Variants in NDFIP2 observed in about 807,000 individuals in gnomAD.
NDFIP2 encodes Nedd4 family interacting protein 2.
NDFIP2 carries 19 observed loss-of-function variants against 36.0 expected under a neutral mutation model. That is an observed-to-expected ratio of 0.53 (90% confidence interval 0.37 to 0.77). The LOEUF (loss-of-function observed/expected upper bound fraction) is 0.77, where lower values mean the gene tolerates loss of function less well. NDFIP2 is among the 30% of genes least tolerant of loss of function. The pLI, the probability that NDFIP2 is intolerant of heterozygous loss-of-function variation, is 0.00. For missense variants in NDFIP2, 446 were observed against 435.8 expected, an observed-to-expected ratio of 1.02 and a Z score of -0.21; for synonymous variants, 181 against 167.7, an observed-to-expected ratio of 1.08 and a Z score of -0.61.
At chr13:79,490,583 A>G (rs983549179) in intron 1 of NDFIP2, among the ~76,000 whole-genome samples, 5 of 152,266 alleles carry the variant, frequency 3.3e-5, no homozygotes, top group Admixed American at 2.0e-4. Context: ...CAGTATCCAT[A>G]CCAAATATGA....
intron 1 of NDFIP2, among the ~76,000 whole-genome samples, chr13:79,514,317 T>C (rs1874189988): frequency 6.6e-6 from 1 of 152,194 alleles, no homozygotes; most frequent in African/African-American, 2.4e-5. Flanking sequence ...ACCTATATTA[T>C]ATTTTCTTTA....
intron 4 of NDFIP2, among the ~76,000 whole-genome samples, chr13:79,541,511 A>G (rs1366347229): frequency 6.6e-6 from 1 of 151,840 alleles, no homozygotes; most frequent in African/African-American, 2.4e-5. Context: ...CAAATATTGT[A>G]CCAACATTAT....
At chr13:79,533,198 T>C in intron 2 of NDFIP2, 125 bp from the exon 3 acceptor site, 1 of 635,032 alleles carries the variant, frequency 1.6e-6, no homozygotes, top group Middle Eastern at 4.2e-4. Flanking sequence ...TTATAGCTTA[T>C]AACATAGGCC....
At chr13:79,507,801 A>G (rs994460661) in intron 1 of NDFIP2, among the ~76,000 whole-genome samples, 3 of 152,024 alleles carry the variant, frequency 2.0e-5, no homozygotes, top group Non-Finnish European at 4.4e-5. Context: ...AGATGTTAAC[A>G]TCTTGCTGTA....
chr13:79,481,667 G>C, intron 1 of NDFIP2, 143 bp downstream of exon 1: 1 of 1,057,454 alleles, frequency 9.5e-7, no homozygotes, highest in Non-Finnish European at 1.3e-6. Flanking sequence ...CTTCTGGCTG[G>C]AGCTGCTTCA....
At chr13:79,493,570 A>G (rs573016320) in intron 1 of NDFIP2, among the ~76,000 whole-genome samples, 1 of 152,260 alleles carries the variant, frequency 6.6e-6, no homozygotes, top group Admixed American at 6.5e-5. Context: ...ATTTTCTTCA[A>G]TCTTCTCATT....
intron 4 of NDFIP2, among the ~76,000 whole-genome samples, chr13:79,541,892 T>C (rs1875470167): frequency 6.6e-6 from 1 of 152,186 alleles, no homozygotes; most frequent in South Asian, 2.1e-4. Context: ...CTAAAAAAAG[T>C]TTACACTTAA....
intron 1 of NDFIP2, among the ~76,000 whole-genome samples, chr13:79,502,120 A>G (rs987567343): frequency 6.6e-6 from 1 of 152,124 alleles, no homozygotes; most frequent in Non-Finnish European, 1.5e-5. Flanking sequence ...ATGAAAATGC[A>G]TGAATCGCAA....
intron 5 of NDFIP2, among the ~76,000 whole-genome samples, chr13:79,545,034 C>A (rs1382428710): frequency 6.6e-6 from 1 of 151,928 alleles, no homozygotes; most frequent in South Asian, 2.1e-4. Context: ...ACAGAACATA[C>A]AAAGATAAAG....
At chr13:79,503,106 A>C (rs185227057) in intron 1 of NDFIP2, among the ~76,000 whole-genome samples, 2 of 152,146 alleles carry the variant, frequency 1.3e-5, no homozygotes, top group African/African-American at 4.8e-5. Flanking sequence ...AGAGGAGAGA[A>C]GTTGAAGGAA....
intron 1 of NDFIP2, among the ~76,000 whole-genome samples, chr13:79,499,513 A>G (rs773524155): frequency 1.6e-4 from 25 of 152,012 alleles, no homozygotes; most frequent in Admixed American, 3.3e-4. Context: ...ACCCTCCTGG[A>G]ACTAATAAGT....
chr13:79,496,639 C>G (rs2140739446), intron 1 of NDFIP2, among the ~76,000 whole-genome samples: 1 of 151,360 alleles, frequency 6.6e-6, no homozygotes, highest in East Asian at 2.0e-4. Flanking sequence ...CTGCCCTAAT[C>G]TCTCTCATGT....
At chr13:79,487,998 A>G (rs1873086871) in intron 1 of NDFIP2, among the ~76,000 whole-genome samples, 1 of 152,202 alleles carries the variant, frequency 6.6e-6, no homozygotes, top group Non-Finnish European at 1.5e-5. Flanking sequence ...AAGGCAGAAG[A>G]AAGTTAGGAT....
chr13:79,502,760 G>A (rs1245555013), intron 1 of NDFIP2, among the ~76,000 whole-genome samples: 1 of 151,984 alleles, frequency 6.6e-6, no homozygotes, highest in Non-Finnish European at 1.5e-5. Context: ...GGAAATAAAA[G>A]TACAGAAAAT....
Position 79,551,210 on chromosome 13 carries a change from T to C in NDFIP2, c.*2+88T>C, listed in dbSNP as rs1290499745. 2.1e-5 allele frequency: 13 copies of C among 620,892 alleles called. No homozygotes were observed. The East Asian group carries it at 3.5e-4, about 17-fold the overall frequency. 38.5% of individuals were successfully genotyped at this position (620,892 alleles called of 1,614,324 possible). A position where few individuals can be genotyped will look rare whatever the true frequency, so the allele number is the denominator to read the frequency against. Reference sequence around the variant, plus strand: ...ATATTAAATGCCTAATGTGTATTCATGATTTTTACTGTTAGCATATTTAAT... The same window carrying C: ...ATATTAAATGCCTAATGTGTATTCACGATTTTTACTGTTAGCATATTTAAT... On this transcript the variant is annotated intron_variant, in intron 7 of 7. Transcript: ENST00000218652.
rs1316579875 is a variant in NDFIP2, at chr13:79,481,277, A to G, written c.74A>G (p.Glu25Gly). The G allele has an allele frequency of 1.7e-5, 26 of 1,537,428 alleles. No individual in the cohort carries two copies. Among genetic ancestry groups the G allele is most frequent in the African/African-American group, 2.7e-5 (2 of 72,868 alleles). The change falls in exon 1 of 8, where the codon GAG (glutamate) becomes GGG (glycine). Residue 25 changes from glutamate (E) to glycine (G), a missense_variant. Physicochemically the swap from Glu to Gly is moderately conservative, Grantham distance 98. Coordinates refer to ENST00000218652, the MANE Select transcript of NDFIP2 (RefSeq NM_019080.3). ...CTCAATAGCGCGCGCGGCGCCCCGGAGCTTCTCCGCGGAACCGCGACCAAC... is the reference window on the plus strand; with the variant it reads ...CTCAATAGCGCGCGCGGCGCCCCGGGGCTTCTCCGCGGAACCGCGACCAAC... ...SMLNSARGAP[E>G]LLRGTATNAE...
At position 79,539,662 on chromosome 13, in the gene NDFIP2, C is replaced by A; in HGVS notation, c.622-20C>A. 6.3e-7 allele frequency: 1 copy of A among 1,592,788 alleles called. No individual in the cohort carries two copies. Among genetic ancestry groups the A allele is most frequent in the Non-Finnish European group, 8.6e-7 (1 of 1,161,362 alleles). On this transcript the variant is annotated intron_variant, in intron 3 of 7. Coordinates refer to ENST00000218652, the MANE Select transcript of NDFIP2 (RefSeq NM_019080.3). The stretch of plus-strand genomic sequence containing the variant: ...AAGTTGTAATTTTTAGTGAGCTATT[C>A]CAATGTTACATATTTACAGATTCAG...
intron 2 of NDFIP2, among the ~76,000 whole-genome samples, chr13:79,527,424 G>C (rs886510981): frequency 6.6e-6 from 1 of 152,138 alleles, no homozygotes; most frequent in Non-Finnish European, 1.5e-5. Flanking sequence ...TAATCACTTA[G>C]TCTGGATGGT....
Position 79,501,872 on chromosome 13 carries a change from G to A in NDFIP2, c.322-18938G>A, listed in dbSNP as rs117395403. Reference sequence around the variant, plus strand: ...GGAAGTTGGTGTTTCAGGCCTGGTCGTTACTGGTTTCAGCTCTTTGGTTTG... The same window carrying A: ...GGAAGTTGGTGTTTCAGGCCTGGTCATTACTGGTTTCAGCTCTTTGGTTTG... On this transcript the variant is annotated intron_variant, in intron 1 of 7. Transcript: ENST00000218652. Among the ~76,000 whole-genome samples, 5 of 152,234 alleles carry A rather than the reference G, an allele frequency of 3.3e-5. No individual in the cohort carries two copies. The East Asian group carries it at 9.6e-4, about 29-fold the overall frequency.
Sources: gnomAD v4.1 joint callset for allele counts (sites outside exome capture counted in the v4.1 genomes callset) on GRCh38, gnomAD v4.1.1 for gene constraint, MANE v1.5 for transcripts, NCBI Gene and HGNC (gene_info 2026-07-23, HGNC 2026-07-21) for gene names.